GRID2: variants seen among roughly 807,000 people sequenced by gnomAD.
GRID2 encodes the protein glutamate ionotropic receptor delta type subunit 2.
In GRID2, 33 loss-of-function variants were observed where a neutral mutation model predicts 114.8. That is an observed-to-expected ratio of 0.29 (90% confidence interval 0.22 to 0.38). The LOEUF is 0.38. Among genes scored for constraint, GRID2 ranks in the 10% least tolerant of loss-of-function variants. The pLI is 1.00. For missense variants in GRID2, 1,184 were observed against 1,257.7 expected, an observed-to-expected ratio of 0.94 and a Z score of 0.89; for synonymous variants, 505 against 449.9, an observed-to-expected ratio of 1.12 and a Z score of -1.55.
chr4:92,306,706 G>T (rs1457944473), intron 1 of GRID2, among the ~76,000 whole-genome samples: 1 of 152,128 alleles, frequency 6.6e-6, no homozygotes, highest in East Asian at 1.9e-4. Context: ...ATGCAGTCTG[G>T]ACATCTGTTT....
chr4:92,848,928 A>G (rs1743549719), intron 2 of GRID2, among the ~76,000 whole-genome samples: 1 of 151,904 alleles, frequency 6.6e-6, no homozygotes, highest in Non-Finnish European at 1.5e-5. Flanking sequence ...GAGAGGTCTT[A>G]GAAGTAACTA....
chr4:92,630,236 T>C (rs1730734853), intron 2 of GRID2, among the ~76,000 whole-genome samples: 1 of 152,094 alleles, frequency 6.6e-6, no homozygotes, highest in African/African-American at 2.4e-5. Flanking sequence ...ATATAAAAAA[T>C]GGCTACCCTG....
At chr4:93,258,857 T>C (rs762648342) in intron 8 of GRID2, 1 of 452,670 alleles carries the variant, frequency 2.2e-6, no homozygotes, top group South Asian at 1.6e-5. Flanking sequence ...ACACAACTAC[T>C]GCAAGATTCA....
intron 2 of GRID2, among the ~76,000 whole-genome samples, chr4:92,643,904 AGT>A (rs1235463656): frequency 6.6e-6 from 1 of 151,834 alleles, no homozygotes; most frequent in African/African-American, 2.4e-5. Context: ...TCAATTGCAA[AGT>A]GTAATTTTCT....
chr4:92,607,880 T>C (rs1178838516), intron 2 of GRID2, among the ~76,000 whole-genome samples: 1 of 151,850 alleles, frequency 6.6e-6, no homozygotes, highest in Non-Finnish European at 1.5e-5. Flanking sequence ...AATGTGTGCG[T>C]AAACAATAGG....
At position 93,371,360 on chromosome 4, in the gene GRID2, C is replaced by CT. The variant is rs941028386; in HGVS notation, c.1246-24237dup. On this transcript the variant is annotated intron_variant, in intron 8 of 15. Coordinates refer to ENST00000282020, the MANE Select transcript of GRID2 (RefSeq NM_001510.4). ...TAGCCATTACTGTGTTCTGTTATTC[C>CT]TTTTTTTTTTGTTTTGTTTTCCCTC... Among the ~76,000 whole-genome samples, 102 of 147,924 alleles carry CT rather than the reference C, an allele frequency of 6.9e-4. 2 individuals carry two copies. The highest frequency in any genetic ancestry group is 6.7e-3 in the South Asian group (31 of 4,634).
In GRID2 at chr4:92,756,790, G is replaced by A. The variant is rs563449067; in HGVS notation, c.244+166504G>A. On this transcript the variant is annotated intron_variant, in intron 2 of 15. Coordinates refer to ENST00000282020, the MANE Select transcript of GRID2 (RefSeq NM_001510.4). ...AGTAGTGTGTATTTAGATCTTTTGC[G>A]CACTTTTTAATGTTTGGGGTTTTTT... is the stretch of plus-strand genomic sequence containing the variant. 2.7e-4 allele frequency among the ~76,000 whole-genome samples: 41 copies of A among 151,746 alleles called. No homozygotes were observed. In the East Asian group the frequency reaches 4.8e-3, roughly 18 times the overall value.
chr4:93,440,712 A>C (rs1156746147), intron 10 of GRID2, among the ~76,000 whole-genome samples: 1 of 152,122 alleles, frequency 6.6e-6, no homozygotes, highest in East Asian at 1.9e-4. Flanking sequence ...GGATAACGAG[A>C]GATCTGTGAA....
intron 2 of GRID2, among the ~76,000 whole-genome samples, chr4:92,660,738 C>A (rs1440605656): frequency 1.3e-5 from 2 of 150,978 alleles, no homozygotes; most frequent in South Asian, 2.1e-4. Flanking sequence ...TTGCATATAC[C>A]CAATAAAACC....
chr4:92,608,472 A>G (rs911753452), intron 2 of GRID2, among the ~76,000 whole-genome samples: 5 of 151,894 alleles, frequency 3.3e-5, no homozygotes, highest in East Asian at 1.9e-4. Flanking sequence ...TACATCTTCA[A>G]TGGAGTAATT....
At chr4:93,225,962 A>G (rs1276063700) in intron 7 of GRID2, among the ~76,000 whole-genome samples, 2 of 152,158 alleles carry the variant, frequency 1.3e-5, no homozygotes, top group Non-Finnish European at 2.9e-5. Flanking sequence ...GGGGGCCAAG[A>G]CTTCCTGGAT....
intron 6 of GRID2, among the ~76,000 whole-genome samples, chr4:93,219,875 T>G (rs1176595021): frequency 2.0e-5 from 3 of 152,114 alleles, no homozygotes; most frequent in Non-Finnish European, 4.4e-5. Flanking sequence ...TAGAGTAAAA[T>G]TCATTAAAAG....
At chr4:93,272,968 G>A (rs1294058272) in intron 8 of GRID2, among the ~76,000 whole-genome samples, 1 of 152,152 alleles carries the variant, frequency 6.6e-6, no homozygotes, top group East Asian at 1.9e-4. Context: ...AATCTTGCAG[G>A]TCATTACCAG....
chr4:93,353,986 C>A (rs1761056338), intron 8 of GRID2, among the ~76,000 whole-genome samples: 1 of 151,458 alleles, frequency 6.6e-6, no homozygotes, highest in South Asian at 2.1e-4. Flanking sequence ...ATGGTTTATT[C>A]ATGTTATTGA....
chr4:93,199,321 C>T (rs536793419), intron 4 of GRID2, among the ~76,000 whole-genome samples: 2 of 152,292 alleles, frequency 1.3e-5, no homozygotes, highest in South Asian at 2.1e-4. Context: ...TGCTTTTAAT[C>T]ACTGTTCAAT....
At chr4:93,765,632 A>G (rs1578767184) in intron 14 of GRID2, among the ~76,000 whole-genome samples, 1 of 139,028 alleles carries the variant, frequency 7.2e-6, no homozygotes, top group Non-Finnish European at 1.6e-5. Context: ...ATATATATAT[A>G]TGAGGCATAT....
intron 2 of GRID2, among the ~76,000 whole-genome samples, chr4:92,715,027 G>T (rs1005401059): frequency 6.6e-6 from 1 of 152,108 alleles, no homozygotes; most frequent in African/African-American, 2.4e-5. Flanking sequence ...ATATTGTCAG[G>T]TTGCGAATTT....
chr4:93,175,625 A>T (rs1398984724), intron 4 of GRID2, among the ~76,000 whole-genome samples: 2 of 152,268 alleles, frequency 1.3e-5, no homozygotes, highest in Admixed American at 1.3e-4. Flanking sequence ...AAGCCAAAAC[A>T]TTTTTACTCC....
At chr4:92,927,156 A>G (rs1387041524) in intron 2 of GRID2, among the ~76,000 whole-genome samples, 1 of 151,930 alleles carries the variant, frequency 6.6e-6, no homozygotes, top group East Asian at 1.9e-4. Flanking sequence ...TATAGCTCAT[A>G]TTCCAGTATC....
Sources: allele counts gnomAD v4.1 joint callset (sites outside exome capture counted in the v4.1 genomes callset), GRCh38; gene constraint gnomAD v4.1.1; transcripts MANE v1.5; gene names NCBI Gene and HGNC (gene_info 2026-07-23, HGNC 2026-07-21).